SPTLC3: variants seen among roughly 807,000 people sequenced by gnomAD.
SPTLC3 encodes the protein serine palmitoyltransferase 3.
In SPTLC3, 36 loss-of-function variants were observed where a neutral mutation model predicts 59.3. That is an observed-to-expected ratio of 0.61 (90% CI 0.47 to 0.80). The LOEUF (loss-of-function observed/expected upper bound fraction) is 0.80. Ranked by LOEUF, SPTLC3 falls within the 30% of genes least tolerant of loss-of-function variation. The pLI is 0.00. For missense variants in SPTLC3, 625 were observed against 685.1 expected, an observed-to-expected ratio of 0.91 and a Z score of 0.98; for synonymous variants, 257 against 240.8, an observed-to-expected ratio of 1.07 and a Z score of -0.62.
intron 6 of SPTLC3, among the ~76,000 whole-genome samples, chr20:13,100,169 T>C (rs2122650705): frequency 6.6e-6 from 1 of 152,326 alleles, no homozygotes; most frequent in South Asian, 2.1e-4. Flanking sequence ...TTTTTAATTC[T>C]CTGTAGGAAA....
chr20:13,120,896 C>T (rs963510022), intron 8 of SPTLC3, among the ~76,000 whole-genome samples: 5 of 152,144 alleles, frequency 3.3e-5, no homozygotes, highest in Non-Finnish European at 7.4e-5. Flanking sequence ...GGGTTTGGAG[C>T]CGCTATAGAT....
At chr20:13,012,936 G>A (rs1018420188) in intron 1 of SPTLC3, among the ~76,000 whole-genome samples, 1 of 152,168 alleles carries the variant, frequency 6.6e-6, no homozygotes, top group African/African-American at 2.4e-5. Context: ...TTCCTGAGGG[G>A]CAAATGAGGA....
intron 1 of SPTLC3, among the ~76,000 whole-genome samples, chr20:13,010,104 C>A (rs370957864): frequency 6.6e-6 from 1 of 151,298 alleles, no homozygotes; most frequent in Non-Finnish European, 1.5e-5. Flanking sequence ...AGGAGGAACT[C>A]GAGGAAAGTT....
chr20:13,146,461 G>T (rs2038512698), intron 9 of SPTLC3, among the ~76,000 whole-genome samples: 1 of 152,034 alleles, frequency 6.6e-6, no homozygotes, highest in South Asian at 2.1e-4. Flanking sequence ...ATTTACAAGG[G>T]TTCCCAGAAG....
At chr20:13,155,358 T>G (rs1049856239) in intron 10 of SPTLC3, among the ~76,000 whole-genome samples, 6 of 152,188 alleles carry the variant, frequency 3.9e-5, no homozygotes, top group Non-Finnish European at 7.3e-5. Context: ...GACTCTCTAA[T>G]AGCCTGACTA....
At chr20:13,062,000 C>T (rs1389498835) in intron 2 of SPTLC3, among the ~76,000 whole-genome samples, 2 of 152,170 alleles carry the variant, frequency 1.3e-5, no homozygotes, top group Non-Finnish European at 2.9e-5. Context: ...TCCTCCTCTT[C>T]ACTCCCAAGC....
At chr20:13,127,711 C>T (rs1021779620) in intron 9 of SPTLC3, among the ~76,000 whole-genome samples, 1 of 152,142 alleles carries the variant, frequency 6.6e-6, no homozygotes, top group African/African-American at 2.4e-5. Context: ...CTAGTGCTCC[C>T]CAAGACACTT....
rs545101346 is a variant in SPTLC3 at position 13,101,338 on chromosome 20, G to C, written c.826+7761G>C. 2.3e-4 allele frequency among the ~76,000 whole-genome samples: 35 copies of C among 152,322 alleles called. 1 individual carries two copies. The South Asian group carries it at 7.0e-3, about 31-fold the overall frequency. ...CACTCTTAACCACTAGCTGAGTCCA[G>C]CTATTTGCTGCCAGGCCATATGTAG... On this transcript the variant is annotated intron_variant, in intron 6 of 11. Transcript: ENST00000399002.
At chr20:13,115,418 C>T (rs1046765066) in intron 7 of SPTLC3, among the ~76,000 whole-genome samples, 2 of 152,046 alleles carry the variant, frequency 1.3e-5, no homozygotes, top group African/African-American at 4.8e-5. Flanking sequence ...CTAGACCAGC[C>T]CCATGGAAGG....
At chr20:13,014,346 A>G (rs1241054434) in intron 1 of SPTLC3, among the ~76,000 whole-genome samples, 1 of 152,202 alleles carries the variant, frequency 6.6e-6, no homozygotes, top group African/African-American at 2.4e-5. Flanking sequence ...CTGGGAAGAC[A>G]ACTTGCTTCA....
intron 7 of SPTLC3, among the ~76,000 whole-genome samples, chr20:13,117,165 T>C (rs920544397): frequency 6.6e-6 from 1 of 152,254 alleles, no homozygotes; most frequent in African/African-American, 2.4e-5. Context: ...TAATCAATTC[T>C]AGCAGAATAT....
chr20:13,149,974 G>C (rs1600389404), intron 9 of SPTLC3, among the ~76,000 whole-genome samples: 1 of 152,292 alleles, frequency 6.6e-6, no homozygotes, highest in Non-Finnish European at 1.5e-5. Context: ...GGAATCATCA[G>C]GACCAGCCTG....
At chr20:13,147,298 A>G (rs970384466) in intron 9 of SPTLC3, among the ~76,000 whole-genome samples, 1 of 152,012 alleles carries the variant, frequency 6.6e-6, no homozygotes, top group Non-Finnish European at 1.5e-5. Flanking sequence ...ACCACTCCAA[A>G]TGTTCTTTTC....
Position 13,110,277 on chromosome 20 carries a change from G to C in SPTLC3, c.932+60G>C. On this transcript the variant is annotated intron_variant, in intron 7 of 11. Coordinates refer to ENST00000399002, the MANE Select transcript of SPTLC3 (RefSeq NM_018327.4). Reference sequence around the variant, plus strand: ...AGGCCTGCAGCAAGCTGACCAGTGCGGAAAGGCTCACCTTTCCTAGCTAAA... The same window carrying C: ...AGGCCTGCAGCAAGCTGACCAGTGCCGAAAGGCTCACCTTTCCTAGCTAAA... 5 of 1,412,312 alleles carry C rather than the reference G, an allele frequency of 3.5e-6. 1 individual carries two copies. In the South Asian group the frequency reaches 6.1e-5, roughly 17 times the overall value. 87.5% of individuals were successfully genotyped at this position (1,412,312 alleles called of 1,614,324 possible).
At chr20:13,071,499 A>G (rs1359095385) in intron 2 of SPTLC3, among the ~76,000 whole-genome samples, 5 of 152,202 alleles carry the variant, frequency 3.3e-5, no homozygotes, top group Admixed American at 3.3e-4. Context: ...CTCCAAGAAC[A>G]GTTTGTATAT....
intron 1 of SPTLC3, among the ~76,000 whole-genome samples, chr20:13,031,904 T>A (rs2122435011): frequency 6.6e-6 from 1 of 152,332 alleles, no homozygotes; most frequent in South Asian, 2.1e-4. Flanking sequence ...GTCCTGTCTT[T>A]TCCCGCTTCA....
At chr20:13,114,191 C>T (rs540578522) in intron 7 of SPTLC3, among the ~76,000 whole-genome samples, 41 of 152,352 alleles carry the variant, frequency 2.7e-4, no homozygotes, top group African/African-American at 9.6e-4. Flanking sequence ...TCAGTTTCTT[C>T]ATCTGTAACA....
chr20:13,119,748 C>T lies in SPTLC3; in HGVS notation c.1152+2023C>T, dbSNP rs139990448. On this transcript the variant is annotated intron_variant, in intron 8 of 11. Transcript: ENST00000399002. ...TGTCTGGCAGAGATTCGTTAGCCTACGCTGAGATCTGCCCTAAAACAGCAA... is the reference window on the plus strand; with the variant it reads ...TGTCTGGCAGAGATTCGTTAGCCTATGCTGAGATCTGCCCTAAAACAGCAA... 3.0e-4 allele frequency among the ~76,000 whole-genome samples: 46 copies of T among 152,304 alleles called. No individual in the cohort carries two copies. In the East Asian group the frequency reaches 8.7e-3, roughly 29 times the overall value.
At chr20:13,059,364 A>T (rs2122530613) in intron 2 of SPTLC3, among the ~76,000 whole-genome samples, 1 of 152,312 alleles carries the variant, frequency 6.6e-6, no homozygotes, top group South Asian at 2.1e-4. Flanking sequence ...CCAGCCCAGC[A>T]TCTTTAGTTT....
Sources: gnomAD v4.1 joint callset for allele counts (sites outside exome capture counted in the v4.1 genomes callset) on GRCh38, gnomAD v4.1.1 for gene constraint, MANE v1.5 for transcripts, NCBI Gene and HGNC (gene_info 2026-07-23, HGNC 2026-07-21) for gene names.